ANKS1B: variants seen among roughly 807,000 people sequenced by gnomAD.
ANKS1B encodes ankyrin repeat and sterile alpha motif domain-containing protein 1B.
Under a neutral mutation model 148.3 loss-of-function variants are expected in ANKS1B, and 36 were observed. The ratio of observed to expected loss-of-function variants is 0.24; its 90% CI spans 0.19 to 0.32. The LOEUF is 0.32. ANKS1B is among the 10% of genes least tolerant of loss of function. The pLI is 1.00. For missense variants in ANKS1B, 1,157 were observed against 1,542.6 expected (o/e 0.75, Z 4.19); for synonymous variants, 542 against 560.8 (o/e 0.97, Z 0.47).
intron 14 of ANKS1B, among the ~76,000 whole-genome samples, chr12:99,163,598 C>CT (rs929258642): frequency 6.6e-6 from 1 of 151,962 alleles, no homozygotes; most frequent in South Asian, 2.1e-4. Flanking sequence ...CCTCCTGGAA[C>CT]TTTTTTTTAT....
chr12:98,993,206 T>C (rs1265547432), intron 17 of ANKS1B, among the ~76,000 whole-genome samples: 1 of 152,182 alleles, frequency 6.6e-6, no homozygotes, highest in Non-Finnish European at 1.5e-5. Context: ...CTCATTCCAT[T>C]GCCCAGGCTG....
At chr12:99,342,997 C>A (rs1002362250) in intron 12 of ANKS1B, among the ~76,000 whole-genome samples, 1 of 151,774 alleles carries the variant, frequency 6.6e-6, no homozygotes, top group African/African-American at 2.4e-5. Flanking sequence ...TAGAAAAAAT[C>A]AAACTGCCCT....
intron 8 of ANKS1B, among the ~76,000 whole-genome samples, chr12:99,741,765 G>A (rs138076231): frequency 0.012 from 1,812 of 152,096 alleles, 44 homozygotes; most frequent in African/African-American, 0.042. Flanking sequence ...CAAGGGGAGG[G>A]ATAGCATTAG....
chr12:98,885,991 A>G (rs2099739166), intron 17 of ANKS1B, among the ~76,000 whole-genome samples: 1 of 152,062 alleles, frequency 6.6e-6, no homozygotes, highest in African/African-American at 2.4e-5. Flanking sequence ...CAAGCATTCT[A>G]AGGGAGGGAG....
chr12:99,618,823 T>C (rs555582477), intron 9 of ANKS1B, among the ~76,000 whole-genome samples: 1 of 152,250 alleles, frequency 6.6e-6, no homozygotes, highest in East Asian at 1.9e-4. Context: ...CTTTTCTTTG[T>C]GACTCAGCAG....
intron 11 of ANKS1B, among the ~76,000 whole-genome samples, chr12:99,417,538 T>G (rs532830211): frequency 1.3e-5 from 2 of 152,314 alleles, no homozygotes; most frequent in African/African-American, 2.4e-5. Flanking sequence ...CCTAGTTACT[T>G]TACGTATCTA....
intron 10 of ANKS1B, among the ~76,000 whole-genome samples, chr12:99,453,238 C>T (rs1020485023): frequency 1.3e-5 from 2 of 151,648 alleles, no homozygotes; most frequent in African/African-American, 4.8e-5. Flanking sequence ...TGGAGTGAGC[C>T]GAGATTGCAC....
intron 4 of ANKS1B, among the ~76,000 whole-genome samples, chr12:99,797,803 T>TA (rs982333298): frequency 6.6e-6 from 1 of 151,970 alleles, no homozygotes; most frequent in Non-Finnish European, 1.5e-5. Context: ...AAATGCCTGT[T>TA]AAAGTCAAGC....
At chr12:99,093,020 T>G (rs1283305041) in intron 15 of ANKS1B, among the ~76,000 whole-genome samples, 1 of 152,202 alleles carries the variant, frequency 6.6e-6, no homozygotes, top group Non-Finnish European at 1.5e-5. Flanking sequence ...ATGCTGATGC[T>G]TCCTTCACTA....
intron 4 of ANKS1B, among the ~76,000 whole-genome samples, chr12:99,798,900 T>C (rs2066591480): frequency 6.6e-6 from 1 of 152,058 alleles, no homozygotes; most frequent in South Asian, 2.1e-4. Flanking sequence ...TTTCTGCTGC[T>C]TCTTGAATTT....
chr12:99,890,570 GGTGTGTGTGTGT>G (rs10603901), intron 1 of ANKS1B, among the ~76,000 whole-genome samples: 6,328 of 137,982 alleles, frequency 0.046, 206 homozygotes, highest in African/African-American at 0.098. Context: ...TCGCATTCAT[GGTGTGTGTGTGT>G]GTGTGTGTGT....
chr12:99,237,030 GA>G (rs1303698642), intron 14 of ANKS1B, among the ~76,000 whole-genome samples: 1 of 151,994 alleles, frequency 6.6e-6, no homozygotes, highest in East Asian at 1.9e-4. Flanking sequence ...AAATAATCTG[GA>G]CAACAAACCT....
intron 8 of ANKS1B, among the ~76,000 whole-genome samples, chr12:99,757,926 G>T (rs2061719881): frequency 6.6e-6 from 1 of 151,860 alleles, no homozygotes; most frequent in Admixed American, 6.6e-5. Flanking sequence ...GCACACACTG[G>T]GGTCTACTGA....
chr12:99,674,962 A>G (rs988454312), intron 8 of ANKS1B, among the ~76,000 whole-genome samples: 3 of 151,980 alleles, frequency 2.0e-5, no homozygotes, highest in Non-Finnish European at 2.9e-5. Context: ...ACTTGAAAAG[A>G]TCATTTTAAA....
chr12:99,562,738 A>G (rs1158497204), intron 9 of ANKS1B, among the ~76,000 whole-genome samples: 2 of 152,186 alleles, frequency 1.3e-5, no homozygotes, highest in African/African-American at 4.8e-5. Context: ...TCATGAGAAG[A>G]GTAGCATGGA....
In ANKS1B at chr12:99,365,858, G is replaced by A. The variant is rs374847217; in HGVS notation, c.1756+33773C>T. ...AGGTTTGATTACAAAGGAGAAGAAA[G>A]AAGTTGCTTAAAATAGGGTCGTACT... On this transcript the variant is annotated intron_variant, in intron 12 of 26. Transcript: ENST00000683438. 6.6e-4 allele frequency among the ~76,000 whole-genome samples: 101 copies of A among 152,136 alleles called. 2 individuals carry two copies. In the South Asian group the frequency reaches 0.02, roughly 30 times the overall value.
rs200219760 is a variant in ANKS1B at position 99,010,753 on chromosome 12, TA to T, written c.2778+42403del. Among the ~76,000 whole-genome samples the T allele has an allele frequency of 9.6e-3, 1,260 of 131,190 alleles. 6 individuals are homozygous for T. The highest frequency in any genetic ancestry group is 0.021 in the African/African-American group (638 of 30,142). 86.1% of individuals were successfully genotyped at this position (131,190 alleles called of 152,430 possible). On this transcript the variant is annotated intron_variant, in intron 17 of 26. Transcript: ENST00000683438. ...ACTCCAGCATTATTATTATTATTAT[TA>T]TTATTATTTTTTTTTGAGACAGGGT...
chr12:99,257,965 G>A (rs1213497061), intron 12 of ANKS1B, among the ~76,000 whole-genome samples: 1 of 152,140 alleles, frequency 6.6e-6, no homozygotes, highest in Non-Finnish European at 1.5e-5. Flanking sequence ...GACTGGAGCA[G>A]GCAATGTCTC....
At chr12:99,059,112 C>G (rs1214574638) in intron 16 of ANKS1B, among the ~76,000 whole-genome samples, 1 of 152,148 alleles carries the variant, frequency 6.6e-6, no homozygotes, top group Non-Finnish European at 1.5e-5. Flanking sequence ...TACCATTATT[C>G]CACCGAAAAA....
Sources: allele counts gnomAD v4.1 joint callset (sites outside exome capture counted in the v4.1 genomes callset), GRCh38; gene constraint gnomAD v4.1.1; transcripts MANE v1.5; gene names NCBI Gene and HGNC (gene_info 2026-07-23, HGNC 2026-07-21).